Variants in WDFY4 observed in about 807,000 individuals in gnomAD.
WDFY4 encodes the protein WDFY family member 4.
Under a neutral mutation model 351.9 loss-of-function variants are expected in WDFY4, and 169 were observed. That is an observed-to-expected ratio of 0.48 (90% CI 0.42 to 0.55). The LOEUF (loss-of-function observed/expected upper bound fraction) is 0.55. WDFY4 is among the 20% of genes least tolerant of loss of function. The pLI is 0.00. For missense variants in WDFY4, 3,803 were observed against 3,935.6 expected (o/e 0.97, Z 0.90); for synonymous variants, 1,622 against 1,574.6 (o/e 1.03, Z -0.71).
chr10:48,867,868 T>G (rs1386083374), intron 40 of WDFY4, among the ~76,000 whole-genome samples: 1 of 152,224 alleles, frequency 6.6e-6, no homozygotes, highest in African/African-American at 2.4e-5. Context: ...TTGAATATAT[T>G]ATTTACCCAG....
intron 6 of WDFY4, among the ~76,000 whole-genome samples, chr10:48,726,552 T>A (rs1284006546): frequency 6.6e-6 from 1 of 152,176 alleles, no homozygotes; most frequent in Non-Finnish European, 1.5e-5. Context: ...GAACTATGTG[T>A]AGGGGTTAAG....
chr10:48,794,230 C>T (rs2066779412), intron 23 of WDFY4, among the ~76,000 whole-genome samples: 1 of 152,056 alleles, frequency 6.6e-6, no homozygotes, highest in South Asian at 2.1e-4. Context: ...GAAGATGAGG[C>T]ATGGGGATGA....
intron 12 of WDFY4, among the ~76,000 whole-genome samples, chr10:48,749,408 A>C (rs531467122): frequency 6.6e-6 from 1 of 152,008 alleles, no homozygotes; most frequent in African/African-American, 2.4e-5. Context: ...CATACCACAC[A>C]CCCACACACT....
At chr10:48,893,066 C>T (rs1836894256) in intron 44 of WDFY4, among the ~76,000 whole-genome samples, 1 of 152,228 alleles carries the variant, frequency 6.6e-6, no homozygotes. Flanking sequence ...GCCATGCTTC[C>T]TCTGACTGCT....
At chr10:48,778,371 A>G (rs1438252900) in intron 17 of WDFY4, among the ~76,000 whole-genome samples, 1 of 152,248 alleles carries the variant, frequency 6.6e-6, no homozygotes, top group Non-Finnish European at 1.5e-5. Context: ...CCCACAGAGC[A>G]CACTGCCTGG....
In WDFY4 at chr10:48,773,876, G is replaced by A. The variant is rs143587609; in HGVS notation, c.2554-582G>A. ...ACTTCTTTTAGTCTTGTACTCCCAGGCAGATTCCACCTTTTACTCCGGGGG... is the reference window on the plus strand; with the variant it reads ...ACTTCTTTTAGTCTTGTACTCCCAGACAGATTCCACCTTTTACTCCGGGGG... On this transcript the variant is annotated intron_variant, in intron 13 of 61. Transcript: ENST00000325239. Among the ~76,000 whole-genome samples, 315 of 152,284 alleles carry A rather than the reference G, an allele frequency of 2.1e-3. 6 individuals carry two copies. The East Asian group carries it at 0.056, about 27-fold the overall frequency.
At chr10:48,744,218 G>C (rs1039951827) in intron 12 of WDFY4, among the ~76,000 whole-genome samples, 1 of 152,192 alleles carries the variant, frequency 6.6e-6, no homozygotes, top group Non-Finnish European at 1.5e-5. Flanking sequence ...GAACACAACA[G>C]TAACAGTTGG....
At chr10:48,910,179 T>C (rs777769534) in intron 47 of WDFY4, 2 of 1,446,386 alleles carry the variant, frequency 1.4e-6, no homozygotes, top group African/African-American at 1.4e-5. Flanking sequence ...GGGCTTCTCC[T>C]CTTCAGAGTC....
chr10:48,842,083 A>T (rs1250926358), intron 39 of WDFY4, among the ~76,000 whole-genome samples: 4 of 152,004 alleles, frequency 2.6e-5, no homozygotes, highest in African/African-American at 9.7e-5. Flanking sequence ...TTCTTCTTGG[A>T]TGATTTTTCC....
chr10:48,912,480 C>A (rs1303715509), intron 47 of WDFY4, among the ~76,000 whole-genome samples: 1 of 152,216 alleles, frequency 6.6e-6, no homozygotes. Flanking sequence ...CTTTGCCAGG[C>A]CAGCCCTGCA....
intron 49 of WDFY4, among the ~76,000 whole-genome samples, chr10:48,945,478 GA>G (rs1165859265): frequency 1.3e-5 from 2 of 152,244 alleles, no homozygotes; most frequent in African/African-American, 4.8e-5. Flanking sequence ...AACCTGAAAA[GA>G]AAAAGTTTCC....
intron 2 of WDFY4, among the ~76,000 whole-genome samples, chr10:48,715,290 A>T (rs1019148007): frequency 6.6e-6 from 1 of 152,236 alleles, no homozygotes; most frequent in South Asian, 2.1e-4. Flanking sequence ...AAAATAAATG[A>T]TTGCTATTAT....
At chr10:48,768,750 A>AGAGAGAGAGAGAGG (rs1401159942) in intron 13 of WDFY4, among the ~76,000 whole-genome samples, 1 of 151,778 alleles carries the variant, frequency 6.6e-6, no homozygotes, top group East Asian at 1.9e-4. Flanking sequence ...AGAGAGAGAG[A>AGAGAGAGAGAGAGG]GAGAGAACCA....
chr10:48,964,194 A>T, intron 54 of WDFY4, 140 bp downstream of exon 54: 1 of 953,184 alleles, frequency 1.0e-6, no homozygotes, highest in Non-Finnish European at 1.6e-6. Flanking sequence ...TTTCAATATC[A>T]GGCTTAACCC....
Position 48,946,932 on chromosome 10 carries a change from G to A in WDFY4, c.7940G>A (p.Arg2647Gln), listed in dbSNP as rs1048541579. 1.1e-5 allele frequency: 17 copies of A among 1,551,526 alleles called. No homozygotes were observed. Among genetic ancestry groups the A allele is most frequent in the East Asian group, 2.4e-5 (1 of 40,928 alleles). Residue 2647 changes from arginine to glutamine, a missense_variant, in exon 51 of 62, where the codon CGG becomes CAG. Coordinates refer to ENST00000325239, the MANE Select transcript of WDFY4 (RefSeq NM_001394531.1). ...ATCATCGTGGCCTCCTACCTGGTCC[G>A]GATGCCACCCTTCACCCAGGCCTTC... is the stretch of plus-strand genomic sequence containing the variant. ...SAIIVASYLV[R>Q]MPPFTQAFCA... is the part of the protein sequence containing the mutation.
intron 12 of WDFY4, among the ~76,000 whole-genome samples, chr10:48,756,597 G>A (rs561521435): frequency 1.3e-5 from 2 of 151,878 alleles, no homozygotes; most frequent in Non-Finnish European, 2.9e-5. Context: ...ATCAGCTATG[G>A]GAATTTGTAG....
At chr10:48,827,316 G>A (rs1042031606) in intron 36 of WDFY4, among the ~76,000 whole-genome samples, 1 of 151,544 alleles carries the variant, frequency 6.6e-6, no homozygotes, top group Non-Finnish European at 1.5e-5. Context: ...GAATAATTTT[G>A]CTTTCAGGAA....
chr10:48,838,920 G>T (rs1299948509), intron 39 of WDFY4, among the ~76,000 whole-genome samples: 1 of 152,234 alleles, frequency 6.6e-6, no homozygotes. Context: ...GCATGTTTGT[G>T]TTTGTCTCCT....
At position 48,963,991 on chromosome 10, in the gene WDFY4, T is replaced by C; in HGVS notation, c.8373T>C (p.Thr2791=). ...YGDRMDLSSI[T]DPLIKSTILG... ...ACAGAATGGACCTCAGCAGCATCAC[T>C]GACCCCCTCATCAAAAGCACCATCC... The change falls in exon 54 of 62, where the codon ACT becomes ACC. Residue 2791 remains threonine (T), a synonymous_variant. Coordinates refer to ENST00000325239, the MANE Select transcript of WDFY4 (RefSeq NM_001394531.1). 6.4e-7 allele frequency: 1 copy of C among 1,550,576 alleles called. No homozygotes were observed. The highest frequency in any genetic ancestry group is 8.7e-7 in the Non-Finnish European group (1 of 1,146,970).
Sources: allele counts gnomAD v4.1 joint callset (sites outside exome capture counted in the v4.1 genomes callset), GRCh38; gene constraint gnomAD v4.1.1; transcripts MANE v1.5; gene names NCBI Gene and HGNC (gene_info 2026-07-23, HGNC 2026-07-21).